The following CCDC141 variants were observed in gnomAD, a reference collection of about 807,000 sequenced individuals.
CCDC141 encodes the protein coiled-coil domain containing 141.
In CCDC141, 168 loss-of-function variants were observed where a neutral mutation model predicts 181.0. The observed-to-expected ratio is 0.93, with a 90% CI of 0.82 to 1.05. The LOEUF (loss-of-function observed/expected upper bound fraction) is 1.05, where lower values mean the gene tolerates loss of function less well. Ranked by LOEUF, CCDC141 falls within the 50% of genes least tolerant of loss-of-function variation. CCDC141 has a pLI of 0.00. For missense variants in CCDC141, 1,902 were observed against 1,788.5 expected (o/e 1.06, Z -1.14); for synonymous variants, 666 against 642.3 (o/e 1.04, Z -0.56).
intron 5 of CCDC141, among the ~76,000 whole-genome samples, chr2:178,960,430 A>G (rs1394322506): frequency 6.6e-6 from 1 of 152,188 alleles, no homozygotes; most frequent in South Asian, 2.1e-4. Flanking sequence ...AACATATGAA[A>G]AAACCTCTTT....
At position 178,928,508 on chromosome 2, in the gene CCDC141, T is replaced by G. The variant is rs1688989544; in HGVS notation, c.898-9601A>C. ...CCATGCAATATAATAGTATTAACTG[T>G]AAAAAGCCATGCTTTCCGGGACATT... On this transcript the variant is annotated intron_variant, in intron 6 of 23. Coordinates refer to ENST00000443758, the MANE Select transcript of CCDC141 (RefSeq NM_173648.4). 2.0e-5 allele frequency among the ~76,000 whole-genome samples: 3 copies of G among 152,134 alleles called. No individual in the cohort carries two copies. The South Asian group carries it at 6.2e-4, about 32-fold the overall frequency.
the CCDC141 span, among the ~76,000 whole-genome samples, chr2:178,821,844 T>C: frequency 1.3e-4 from 20 of 152,310 alleles, no homozygotes; most frequent in East Asian, 3.9e-3. Context: ...TGTGGAAGAC[T>C]GTGGTGATTC....
chr2:178,822,020 A>G, the CCDC141 span, among the ~76,000 whole-genome samples: 3 of 152,314 alleles, frequency 2.0e-5, no homozygotes, highest in East Asian at 5.8e-4. Context: ...ATGTCCATCA[A>G]TGATAGACTG....
chr2:178,860,832 G>C (rs967486227), intron 17 of CCDC141, among the ~76,000 whole-genome samples: 1 of 151,868 alleles, frequency 6.6e-6, no homozygotes, highest in African/African-American at 2.4e-5. Context: ...GTAGCAACAG[G>C]CATCAGTAAT....
chr2:178,900,091 G>A (rs1287794857), intron 8 of CCDC141, among the ~76,000 whole-genome samples: 1 of 152,050 alleles, frequency 6.6e-6, no homozygotes, highest in Non-Finnish European at 1.5e-5. Context: ...AATGAAAATA[G>A]TATTGATTTA....
At chr2:178,882,892 A>T (rs985785294) in intron 11 of CCDC141, among the ~76,000 whole-genome samples, 2 of 152,044 alleles carry the variant, frequency 1.3e-5, no homozygotes, top group African/African-American at 2.4e-5. Flanking sequence ...GATGGAAAGG[A>T]AATGAGTAAC....
intron 5 of CCDC141, among the ~76,000 whole-genome samples, chr2:178,947,423 C>G (rs1689778335): frequency 6.6e-6 from 1 of 152,154 alleles, no homozygotes; most frequent in African/African-American, 2.4e-5. Flanking sequence ...GAAATTGGTT[C>G]TGGGCAATGA....
intron 1 of CCDC141, 34 bp from the exon 2 acceptor site, chr2:179,047,440 G>T (rs1430048688): frequency 4.2e-6 from 6 of 1,441,708 alleles, no homozygotes; most frequent in Admixed American, 2.9e-5. Context: ...TGCACTTTTA[G>T]TTCCTCTTGT....
At chr2:178,977,563 G>A (rs984845475) in intron 3 of CCDC141, among the ~76,000 whole-genome samples, 5 of 152,076 alleles carry the variant, frequency 3.3e-5, no homozygotes, top group Non-Finnish European at 5.9e-5. Context: ...GTTATAATAA[G>A]GTTTTTATTC....
At chr2:178,851,364 A>G (rs915458449) in intron 20 of CCDC141, among the ~76,000 whole-genome samples, 1 of 152,086 alleles carries the variant, frequency 6.6e-6, no homozygotes, top group Non-Finnish European at 1.5e-5. Context: ...CCAAGTTCAT[A>G]TGTTGAAGTC....
At chr2:178,977,718 G>T (rs1691184785) in intron 3 of CCDC141, among the ~76,000 whole-genome samples, 1 of 152,120 alleles carries the variant, frequency 6.6e-6, no homozygotes, top group Non-Finnish European at 1.5e-5. Context: ...CAAAGCTAAT[G>T]CTTTATCATA....
At chr2:178,896,861 TTA>T (rs1311704583) in intron 8 of CCDC141, among the ~76,000 whole-genome samples, 1 of 152,134 alleles carries the variant, frequency 6.6e-6, no homozygotes, top group Non-Finnish European at 1.5e-5. Flanking sequence ...TTAAATTAAT[TTA>T]TGTCTAGAGC....
intron 2 of CCDC141, among the ~76,000 whole-genome samples, chr2:178,988,477 A>T (rs1691868010): frequency 7.9e-6 from 1 of 126,528 alleles, no homozygotes; most frequent in African/African-American, 2.5e-5. Flanking sequence ...AATAATAAAA[A>T]ATAAATAATA....
At chr2:178,816,485 T>A in the CCDC141 span, among the ~76,000 whole-genome samples, 1 of 152,350 alleles carries the variant, frequency 6.6e-6, no homozygotes, top group African/African-American at 2.4e-5. Flanking sequence ...CCATTATGAA[T>A]AAAGCTGCTA....
At chr2:178,991,429 A>AG (rs141543625) in intron 2 of CCDC141, among the ~76,000 whole-genome samples, 1 of 140,402 alleles carries the variant, frequency 7.1e-6, no homozygotes, top group Non-Finnish European at 1.7e-5. Flanking sequence ...GTCTCTTCAA[A>AG]ATTTTTTTTA....
downstream of CCDC141, among the ~76,000 whole-genome samples, chr2:178,827,483 C>T (rs1036328017): frequency 1.3e-5 from 2 of 152,116 alleles, no homozygotes; most frequent in African/African-American, 4.8e-5. Flanking sequence ...GGTTATATGT[C>T]TAAAGACAAC....
At chr2:179,014,155 A>G (rs888836474) in intron 2 of CCDC141, among the ~76,000 whole-genome samples, 31 of 152,052 alleles carry the variant, frequency 2.0e-4, no homozygotes, top group African/African-American at 7.0e-4. Flanking sequence ...AAAGCAAACA[A>G]AAATGTAAAG....
At chr2:178,835,502 T>C (rs1397855853) in intron 23 of CCDC141, among the ~76,000 whole-genome samples, 8 of 152,340 alleles carry the variant, frequency 5.3e-5, no homozygotes, top group Admixed American at 1.3e-4. Flanking sequence ...ATGACAAATG[T>C]GAATCGTTTT....
At chr2:178,895,459 A>T (rs1444833185) in intron 8 of CCDC141, among the ~76,000 whole-genome samples, 1 of 152,160 alleles carries the variant, frequency 6.6e-6, no homozygotes, top group African/African-American at 2.4e-5. Context: ...CATCATCAGC[A>T]TTATAAATGA....
Sources: allele counts gnomAD v4.1 joint callset (sites outside exome capture counted in the v4.1 genomes callset), GRCh38; gene constraint gnomAD v4.1.1; transcripts MANE v1.5; gene names NCBI Gene and HGNC (gene_info 2026-07-23, HGNC 2026-07-21).